Variants in ACTN4 observed in about 807,000 individuals in gnomAD.
ACTN4 encodes actinin alpha 4.
ACTN4 carries 18 observed loss-of-function variants against 114.2 expected under a neutral mutation model. The observed-to-expected ratio is 0.16, with a 90% CI of 0.11 to 0.23. ACTN4 has a LOEUF of 0.23. Among genes scored for constraint, ACTN4 ranks in the 10% least tolerant of loss-of-function variants. The pLI is 1.00. For missense variants in ACTN4, 722 were observed against 1,262.9 expected, an observed-to-expected ratio of 0.57 and a Z score of 6.49; for synonymous variants, 515 against 506.3, an observed-to-expected ratio of 1.02 and a Z score of -0.23.
chr19:38,731,350 C>A lies in ACTN4; in HGVS notation c.*1918C>A. The A allele has an allele frequency of 1.4e-6, 1 of 715,960 alleles. No homozygotes were observed. The highest frequency in any genetic ancestry group is 1.6e-5 in the South Asian group (1 of 63,178). The allele number at this position is 715,960 out of a possible 1,614,324, so 44.4% of individuals were successfully genotyped here. A position where few individuals can be genotyped will look rare whatever the true frequency, so the allele number is the denominator to read the frequency against. ...GTCACACCCCAACTCTGCCCCATCC[C>A]GGCAGGGTGAGTACAGGCTGATCCC... On this transcript the variant is annotated 3_prime_UTR_variant, in exon 21 of 21. Transcript: ENST00000252699.
chr19:38,692,527 G>A (rs1043624748), intron 1 of ACTN4, among the ~76,000 whole-genome samples: 2 of 152,260 alleles, frequency 1.3e-5, no homozygotes, highest in African/African-American at 2.4e-5. Context: ...TTGCCAGGGC[G>A]AGCATCTCTG....
chr19:38,687,471 C>T (rs1360422785), intron 1 of ACTN4, among the ~76,000 whole-genome samples: 1 of 152,164 alleles, frequency 6.6e-6, no homozygotes, highest in East Asian at 1.9e-4. Flanking sequence ...GCTCCCAGGT[C>T]CCATACATCT....
At position 38,730,822 on chromosome 19, in the gene ACTN4, C is replaced by T. The variant is rs956302968; in HGVS notation, c.*1390C>T. 1.9e-6 allele frequency: 3 copies of T among 1,550,414 alleles called. No individual in the cohort carries two copies. The highest frequency in any genetic ancestry group is 2.6e-6 in the Non-Finnish European group (3 of 1,147,046). On this transcript the variant is annotated 3_prime_UTR_variant, in exon 21 of 21. Transcript: ENST00000252699. ...GGTGGTCTTGCTCAGCAACCCTGCC[C>T]TGAGCAGCAGGTGCGCCCATCCGGA...
At chr19:38,726,034 A>G (rs751299086) in intron 17 of ACTN4, 131 bp downstream of exon 17, 1 of 1,298,926 alleles carries the variant, frequency 7.7e-7, no homozygotes, top group Non-Finnish European at 1.1e-6. Context: ...ATTATTGAAG[A>G]GACCAGCACT....
In ACTN4 at chr19:38,731,432, C is replaced by A. The variant is rs535464324; in HGVS notation, c.*2000C>A. The A allele has an allele frequency of 1.3e-5, 8 of 596,666 alleles. No individual in the cohort carries two copies. Among genetic ancestry groups the A allele is most frequent in the Non-Finnish European group, 1.5e-5 (5 of 330,886 alleles). 37.0% of individuals were successfully genotyped at this position (596,666 alleles called of 1,614,324 possible). A position where few individuals can be genotyped will look rare whatever the true frequency, so the allele number is the denominator to read the frequency against. Reference sequence around the variant, plus strand: ...CAAACGGACTAAGACAGCCCCGACCCCATAGGGTGTGTGAAGACAGAACGC... The same window carrying A: ...CAAACGGACTAAGACAGCCCCGACCACATAGGGTGTGTGAAGACAGAACGC... On this transcript the variant is annotated 3_prime_UTR_variant, in exon 21 of 21. Coordinates refer to ENST00000252699, the MANE Select transcript of ACTN4 (RefSeq NM_004924.6).
At position 38,731,007 on chromosome 19, in the gene ACTN4, G is replaced by A. The variant is rs746602421; in HGVS notation, c.*1575G>A. 3.8e-5 allele frequency: 59 copies of A among 1,552,536 alleles called. No homozygotes were observed. In the Middle Eastern group the frequency reaches 5.0e-4, roughly 13 times the overall value. ...AGATGACCCCCTCACCCCCATCCAG[G>A]TGCTGGCTGCAGTGGCCTGTGCAGA... On this transcript the variant is annotated 3_prime_UTR_variant, in exon 21 of 21. Coordinates refer to ENST00000252699, the MANE Select transcript of ACTN4 (RefSeq NM_004924.6).
chr19:38,658,635 A>G (rs1976780592), intron 1 of ACTN4, among the ~76,000 whole-genome samples: 1 of 152,246 alleles, frequency 6.6e-6, no homozygotes, highest in African/African-American at 2.4e-5. Context: ...GTGATCTTCC[A>G]GTTCTGGCCT....
chr19:38,711,197 C>A, intron 8 of ACTN4: 1 of 715,544 alleles, frequency 1.4e-6, no homozygotes, highest in Non-Finnish European at 1.7e-6. Flanking sequence ...CTGCATGAGC[C>A]TCAGGCCGGC....
intron 7 of ACTN4, 47 bp from the exon 8 acceptor site, chr19:38,710,210 A>AC (rs1968597545): frequency 1.9e-6 from 3 of 1,602,920 alleles, no homozygotes; most frequent in Non-Finnish European, 1.7e-6. Context: ...TGACGCCTCC[A>AC]CCCCCCGCCC....
At chr19:38,709,786 T>C (rs759050119) in intron 7 of ACTN4, among the ~76,000 whole-genome samples, 13 of 152,160 alleles carry the variant, frequency 8.5e-5, no homozygotes, top group Non-Finnish European at 1.5e-4. Flanking sequence ...GCAAGGTGGC[T>C]GAGGAGGGGT....
At chr19:38,683,659 G>A (rs982400992) in intron 1 of ACTN4, among the ~76,000 whole-genome samples, 3 of 152,330 alleles carry the variant, frequency 2.0e-5, no homozygotes, top group Admixed American at 1.3e-4. Context: ...CAGCTTTATC[G>A]GGCGTTGCCT....
At chr19:38,655,600 C>T (rs905683820) in intron 1 of ACTN4, among the ~76,000 whole-genome samples, 7 of 151,986 alleles carry the variant, frequency 4.6e-5, no homozygotes, top group South Asian at 2.1e-4. Context: ...GTGTGTCATC[C>T]GGCCATACTA....
intron 1 of ACTN4, among the ~76,000 whole-genome samples, chr19:38,660,368 T>G (rs1030187214): frequency 6.6e-6 from 1 of 152,086 alleles, no homozygotes; most frequent in African/African-American, 2.4e-5. Flanking sequence ...CTATTCTAAG[T>G]GCTTCCCATG....
chr19:38,681,777 A>T (rs376826743), intron 1 of ACTN4, among the ~76,000 whole-genome samples: 1 of 152,142 alleles, frequency 6.6e-6, no homozygotes, highest in East Asian at 1.9e-4. Flanking sequence ...CCTGAATCTC[A>T]GTTTTCCTGA....
chr19:38,708,390 C>G (rs1354520811), intron 6 of ACTN4, among the ~76,000 whole-genome samples, 195 bp downstream of exon 6: 1 of 152,202 alleles, frequency 6.6e-6, no homozygotes, highest in African/African-American at 2.4e-5. Flanking sequence ...CTCCCTTATT[C>G]CCCTCGTGGA....
In ACTN4 at chr19:38,723,914, C is replaced by T. The variant is rs764712649; in HGVS notation, c.1552-23C>T. The T allele has an allele frequency of 2.5e-6, 4 of 1,611,760 alleles. 1 individual carries two copies. Among genetic ancestry groups the T allele is most frequent in the South Asian group, 2.2e-5 (2 of 91,038 alleles). ...CTGACCTGCCTTCCCTCTGTCCCTG[C>T]CCCCTTCCCTCCCACACACTAGAAA... On this transcript the variant is annotated intron_variant, in intron 13 of 20. Transcript: ENST00000252699.
chr19:38,654,463 G>C (rs187427259), intron 1 of ACTN4, among the ~76,000 whole-genome samples: 179 of 151,854 alleles, frequency 1.2e-3, no homozygotes, highest in Middle Eastern at 6.8e-3. Context: ...TGGGGAGGCT[G>C]AGGCAGGATA....
At position 38,709,349 on chromosome 19, in the gene ACTN4, C is replaced by G. The variant is rs374419676; in HGVS notation, c.652-46C>G. 4.9e-5 allele frequency: 72 copies of G among 1,459,254 alleles called. No individual in the cohort carries two copies. The African/African-American group carries it at 9.6e-4, about 19-fold the overall frequency. 90.4% of individuals were successfully genotyped at this position (1,459,254 alleles called of 1,614,324 possible). ...GCCCTGCCTCCCTCCTGCTCCTGCA[C>G]CCTGCCCTGACGGAGTTCTTGTTGT... On this transcript the variant is annotated intron_variant, in intron 6 of 20. Coordinates refer to ENST00000252699, the MANE Select transcript of ACTN4 (RefSeq NM_004924.6).
In ACTN4 at chr19:38,679,081, A is replaced by G. The variant is rs964948260; in HGVS notation, c.163-21519A>G. ...TGGAGCAATCCAGTCTTTCTCCTGT[A>G]GGAAAACAGAATGGTGCTGTATGGC... On this transcript the variant is annotated intron_variant, in intron 1 of 20. Coordinates refer to ENST00000252699, the MANE Select transcript of ACTN4 (RefSeq NM_004924.6). Among the ~76,000 whole-genome samples, 7 of 152,342 alleles carry G rather than the reference A, an allele frequency of 4.6e-5. No homozygotes were observed. The South Asian group carries it at 1.4e-3, about 32-fold the overall frequency.
Sources: gnomAD v4.1 joint callset for allele counts (sites outside exome capture counted in the v4.1 genomes callset) on GRCh38, gnomAD v4.1.1 for gene constraint, MANE v1.5 for transcripts, NCBI Gene and HGNC (gene_info 2026-07-23, HGNC 2026-07-21) for gene names.